The following POLR1C variants were observed in gnomAD, a reference collection of about 807,000 sequenced individuals.
The protein encoded by POLR1C is RNA polymerase I and III subunit C.
Under a neutral mutation model 38.3 loss-of-function variants are expected in POLR1C, and 42 were observed. The ratio of observed to expected loss-of-function variants is 1.10; its 90% confidence interval spans 0.86 to 1.42. The LOEUF (loss-of-function observed/expected upper bound fraction) is 1.42, where lower values mean the gene tolerates loss of function less well. Ranked by LOEUF, POLR1C falls within the 40% of genes most tolerant of loss-of-function variation. The probability of loss-of-function intolerance (pLI) is 0.00; values close to 1 mark genes in which losing one functional copy is unlikely to be tolerated. For missense variants in POLR1C, 507 were observed against 450.5 expected (o/e 1.13, Z -1.14); for synonymous variants, 163 against 163.9 (o/e 0.99, Z 0.04).
At chr6:43,543,626 A>C (rs1035378176) in intron 9 of POLR1C, among the ~76,000 whole-genome samples, 1 of 152,080 alleles carries the variant, frequency 6.6e-6, no homozygotes. Flanking sequence ...CTCACAAGTT[A>C]AGCCCTTTTC....
At position 43,538,139 on chromosome 6, in the gene POLR1C, C is replaced by CTTTTTTTTTTT. The variant is rs1160662301; in HGVS notation, c.*4+8798_*4+8808dup. Among the ~76,000 whole-genome samples, 12 of 48,920 alleles carry CTTTTTTTTTTT rather than the reference C, an allele frequency of 2.5e-4. 3 individuals carry two copies. Among genetic ancestry groups the CTTTTTTTTTTT allele is most frequent in the African/African-American group, 9.9e-4 (12 of 12,106 alleles). The allele number at this position is 48,920 out of a possible 152,430, so 32.1% of individuals were successfully genotyped here. Reference sequence around the variant, plus strand: ...TATAAATTTAGAGCCTAAGAGACATCTTTTTTTTTTTTTTTTTTTTTTTTT... The same window carrying CTTTTTTTTTTT: ...TATAAATTTAGAGCCTAAGAGACATCTTTTTTTTTTTTTTTTTTTTTTTTTTTTTTTTTTTT... On this transcript the variant is annotated intron_variant, in intron 9 of 10. Coordinates refer to the POLR1C transcript ENST00000607635.
intron 9 of POLR1C, among the ~76,000 whole-genome samples, chr6:43,547,019 A>G (rs1056244059): frequency 6.6e-5 from 10 of 152,096 alleles, no homozygotes; most frequent in African/African-American, 2.2e-4. Context: ...TGACCCACCC[A>G]CAGGACCCTG....
At chr6:43,541,144 A>C (rs889072039) in intron 9 of POLR1C, among the ~76,000 whole-genome samples, 7 of 152,124 alleles carry the variant, frequency 4.6e-5, no homozygotes, top group Non-Finnish European at 1.0e-4. Flanking sequence ...GGGATTGTTA[A>C]TGGGTACAAA....
At chr6:43,555,741 C>T in intron 10 of POLR1C, 19 of 1,472,544 alleles carry the variant, frequency 1.3e-5, no homozygotes, top group Non-Finnish European at 1.7e-5. Flanking sequence ...ATAAGTATAT[C>T]GTTCTGATGT....
intron 8 of POLR1C, chr6:43,527,009 T>A (rs374759589): frequency 4.3e-5 from 20 of 464,422 alleles, no homozygotes; most frequent in African/African-American, 3.7e-4. Flanking sequence ...GGATGCTTGA[T>A]ACATCCCTGG....
chr6:43,549,606 A>G, intron 9 of POLR1C: 1 of 1,606,978 alleles, frequency 6.2e-7, no homozygotes, highest in Non-Finnish European at 8.5e-7. Context: ...ACAAACTCGG[A>G]GCTGCTTTTA....
chr6:43,560,321 A>G, intron 10 of POLR1C: 2 of 1,580,810 alleles, frequency 1.3e-6, no homozygotes. Context: ...GAAAAAAAAA[A>G]GAAAACGTCA....
At chr6:43,558,695 C>T (rs945390666) in intron 10 of POLR1C, 40 of 826,362 alleles carry the variant, frequency 4.8e-5, no homozygotes, top group Admixed American at 3.3e-5. Flanking sequence ...AAGAGTTAAG[C>T]GTTTGCATGA....
rs1582224219 is a variant in POLR1C, at chr6:43,549,724, A to C, written c.*5-1244A>C. ...GTATAATGGAGTAACATTTATAGCC[A>C]CCAAGAATCCATGTTTCTTGTATGC... is the stretch of plus-strand genomic sequence containing the variant. On this transcript the variant is annotated intron_variant, in intron 9 of 10. Transcript: ENST00000607635. The C allele has an allele frequency of 1.6e-5, 19 of 1,208,922 alleles. No homozygotes were observed. The East Asian group carries it at 4.7e-4, about 30-fold the overall frequency. The allele number at this position is 1,208,922 out of a possible 1,614,324, so 74.9% of individuals were successfully genotyped here. A position where few individuals can be genotyped will look rare whatever the true frequency, so the allele number is the denominator to read the frequency against.
intron 10 of POLR1C, among the ~76,000 whole-genome samples, chr6:43,557,282 T>C (rs1161022622): frequency 1.3e-5 from 2 of 151,556 alleles, no homozygotes; most frequent in African/African-American, 4.9e-5. Flanking sequence ...AAAAATTGGC[T>C]GGGTATGATG....
downstream of POLR1C, chr6:43,525,766 T>C (rs1018901397): frequency 4.9e-5 from 73 of 1,504,872 alleles, no homozygotes; most frequent in Non-Finnish European, 6.4e-5. Flanking sequence ...GATAGCACCA[T>C]AGAGCAAGAA....
downstream of POLR1C, chr6:43,524,437 G>C (rs377465895): frequency 1.2e-6 from 2 of 1,603,660 alleles, no homozygotes; most frequent in Non-Finnish European, 1.7e-6. Context: ...TTTAAGAAGG[G>C]GGTTGGGAGC....
At chr6:43,536,169 C>A (rs1794308580) in intron 9 of POLR1C, among the ~76,000 whole-genome samples, 1 of 151,756 alleles carries the variant, frequency 6.6e-6, no homozygotes, top group Non-Finnish European at 1.5e-5. Flanking sequence ...AATCCCAGCA[C>A]TTTGGGAGGC....
chr6:43,559,490 C>T (rs1408757199), intron 10 of POLR1C, among the ~76,000 whole-genome samples: 3 of 152,162 alleles, frequency 2.0e-5, no homozygotes, highest in Admixed American at 2.0e-4. Context: ...CTTCCACTCT[C>T]ACTCCCCTCA....
intron 10 of POLR1C, chr6:43,551,217 C>A: frequency 7.2e-7 from 1 of 1,381,502 alleles, no homozygotes; most frequent in Non-Finnish European, 9.5e-7. Flanking sequence ...GTAGCAAGAT[C>A]CTGTCTCCAA....
At chr6:43,561,000 T>C in intron 10 of POLR1C, 1 of 1,613,822 alleles carries the variant, frequency 6.2e-7, no homozygotes, top group Non-Finnish European at 8.5e-7. Flanking sequence ...TACATCAGAA[T>C]CTGCACCCTG....
intron 9 of POLR1C, among the ~76,000 whole-genome samples, chr6:43,541,016 C>T (rs1443238822): frequency 6.6e-6 from 1 of 151,932 alleles, no homozygotes; most frequent in African/African-American, 2.4e-5. Flanking sequence ...AGACACATCA[C>T]ATGTTCTCAC....
chr6:43,560,027 C>A, intron 10 of POLR1C: 1 of 932,066 alleles, frequency 1.1e-6, no homozygotes, highest in Non-Finnish European at 1.5e-6. Flanking sequence ...CCATGTCGCA[C>A]AGGCTGGTCT....
chr6:43,547,678 G>T (rs202182348), intron 9 of POLR1C: 3 of 1,613,898 alleles, frequency 1.9e-6, no homozygotes, highest in South Asian at 2.2e-5. Flanking sequence ...ACCCACATAC[G>T]CAATGAAAGC....
Sources: allele counts gnomAD v4.1 joint callset (sites outside exome capture counted in the v4.1 genomes callset), GRCh38; gene constraint gnomAD v4.1.1; transcripts MANE v1.5; gene names NCBI Gene and HGNC (gene_info 2026-07-23, HGNC 2026-07-21).